Variants in NPAS3 observed in about 807,000 individuals in gnomAD.
NPAS3 encodes neuronal PAS domain-containing protein 3.
A neutral mutation model predicts 73.1 loss-of-function variants in NPAS3; 14 were observed. The observed-to-expected ratio is 0.19, with a 90% CI of 0.13 to 0.30. NPAS3 has a LOEUF of 0.30. Among genes scored for constraint, NPAS3 ranks in the 10% least tolerant of loss-of-function variants. NPAS3 has a pLI of 1.00. For missense variants in NPAS3, 1,096 were observed against 1,250.0 expected (o/e 0.88, Z 1.86); for synonymous variants, 620 against 541.5 (o/e 1.14, Z -2.01).
chr14:33,676,389 G>T lies in NPAS3; in HGVS notation c.733+4G>T. The T allele has an allele frequency of 6.4e-7, 1 of 1,555,082 alleles. No homozygotes were observed. Among genetic ancestry groups the T allele is most frequent in the Non-Finnish European group, 8.6e-7 (1 of 1,156,660 alleles). On this transcript the variant is annotated splice_donor_region_variant and intron_variant, in intron 6 of 11. Transcript: ENST00000356141. ...CAGTCGGAGACCCCCGAGCCAGGTG[G>T]GAATTGCAAACCCAGTGTGTGGGTT...
At chr14:33,381,547 T>TG (rs1302758519) in intron 4 of NPAS3, among the ~76,000 whole-genome samples, 1 of 152,066 alleles carries the variant, frequency 6.6e-6, no homozygotes, top group Non-Finnish European at 1.5e-5. Flanking sequence ...TTGTTTTTGG[T>TG]GGGGGAAAAA....
intron 7 of NPAS3, among the ~76,000 whole-genome samples, chr14:33,751,317 CT>C (rs1471203050): frequency 6.6e-6 from 1 of 152,138 alleles, no homozygotes; most frequent in Non-Finnish European, 1.5e-5. Flanking sequence ...TAAATCATTC[CT>C]TTTGGAATTT....
At chr14:33,629,565 G>T (rs936685413) in intron 5 of NPAS3, among the ~76,000 whole-genome samples, 315 of 149,424 alleles carry the variant, frequency 2.1e-3, no homozygotes, top group African/African-American at 7.6e-3. Flanking sequence ...GGTTTTTTTT[G>T]TTGTTTTTGT....
chr14:33,380,079 T>TA (rs2046480569), intron 4 of NPAS3, among the ~76,000 whole-genome samples: 1 of 150,122 alleles, frequency 6.7e-6, no homozygotes, highest in African/African-American at 2.5e-5. Context: ...AAAATACAGA[T>TA]AAGCAAAGAG....
At chr14:33,221,537 G>C (rs2047428947) in intron 3 of NPAS3, among the ~76,000 whole-genome samples, 1 of 152,108 alleles carries the variant, frequency 6.6e-6, no homozygotes, top group Non-Finnish European at 1.5e-5. Context: ...TGCGGTGAGA[G>C]GATTCCTTGA....
intron 4 of NPAS3, among the ~76,000 whole-genome samples, chr14:33,499,737 G>C (rs1239752127): frequency 6.6e-6 from 1 of 151,952 alleles, no homozygotes; most frequent in Non-Finnish European, 1.5e-5. Flanking sequence ...TCTGATATTA[G>C]TAACAATATT....
chr14:33,460,433 A>G (rs1354020132), intron 4 of NPAS3, among the ~76,000 whole-genome samples: 1 of 152,168 alleles, frequency 6.6e-6, no homozygotes, highest in African/African-American at 2.4e-5. Flanking sequence ...TATTTTCTAA[A>G]TATGGTAACT....
chr14:33,562,667 T>C (rs953048737), intron 5 of NPAS3, among the ~76,000 whole-genome samples: 2 of 152,220 alleles, frequency 1.3e-5, no homozygotes, highest in Non-Finnish European at 2.9e-5. Context: ...AAGAATCTGA[T>C]AAGAACATGA....
intron 5 of NPAS3, among the ~76,000 whole-genome samples, chr14:33,665,709 A>C (rs1014398932): frequency 6.6e-6 from 1 of 152,230 alleles, no homozygotes; most frequent in Admixed American, 6.5e-5. Flanking sequence ...ATTCAAACCC[A>C]CTGCTTAAAA....
chr14:33,352,211 A>T (rs904858934), intron 3 of NPAS3, among the ~76,000 whole-genome samples: 2 of 152,210 alleles, frequency 1.3e-5, no homozygotes, highest in South Asian at 2.1e-4. Flanking sequence ...AGCATGCTAA[A>T]TAAAGCAGGT....
chr14:33,452,010 T>C (rs1418884949), intron 4 of NPAS3, among the ~76,000 whole-genome samples: 2 of 152,230 alleles, frequency 1.3e-5, no homozygotes, highest in African/African-American at 4.8e-5. Flanking sequence ...TTAAAATCTA[T>C]GGTTCTTAGA....
chr14:33,107,959 C>T (rs961852679), intron 2 of NPAS3, among the ~76,000 whole-genome samples: 7 of 152,068 alleles, frequency 4.6e-5, no homozygotes, highest in Non-Finnish European at 7.4e-5. Context: ...GAGTGAATTG[C>T]TTTGTAAGTT....
chr14:33,196,098 G>A (rs1008398276), intron 2 of NPAS3, among the ~76,000 whole-genome samples: 8 of 152,148 alleles, frequency 5.3e-5, no homozygotes, highest in Admixed American at 3.3e-4. Context: ...GGCAGAGTTC[G>A]GCCAGCGCTA....
chr14:33,062,742 C>T (rs1363962471), intron 2 of NPAS3, among the ~76,000 whole-genome samples: 2 of 152,132 alleles, frequency 1.3e-5, no homozygotes, highest in Non-Finnish European at 2.9e-5. Flanking sequence ...TGAACAGCGG[C>T]GTTCAAAAAT....
intron 1 of NPAS3, among the ~76,000 whole-genome samples, chr14:33,041,463 C>T (rs2040344784): frequency 6.6e-6 from 1 of 152,144 alleles, no homozygotes; most frequent in Non-Finnish European, 1.5e-5. Flanking sequence ...TTCTCAACAA[C>T]CTGTCATATT....
At chr14:33,375,480 GCTTTTAAGTTCA>G (rs1386487206) in intron 4 of NPAS3, among the ~76,000 whole-genome samples, 26 of 152,112 alleles carry the variant, frequency 1.7e-4, no homozygotes, top group Admixed American at 6.5e-5. Context: ...GTGTTGCACG[GCTTTTAAGTTCA>G]CGTATGAACA....
chr14:33,009,516 A>G (rs953390597), intron 1 of NPAS3, among the ~76,000 whole-genome samples: 3 of 152,146 alleles, frequency 2.0e-5, no homozygotes, highest in Non-Finnish European at 4.4e-5. Flanking sequence ...CTAATGTAGT[A>G]ATGATGACGG....
At chr14:33,356,903 A>G (rs2045362125) in intron 3 of NPAS3, among the ~76,000 whole-genome samples, 1 of 152,182 alleles carries the variant, frequency 6.6e-6, no homozygotes, top group Admixed American at 6.5e-5. Context: ...TCCTCAATTC[A>G]TTGTATGGTG....
At chr14:33,148,710 G>A (rs958537898) in intron 2 of NPAS3, among the ~76,000 whole-genome samples, 2 of 151,940 alleles carry the variant, frequency 1.3e-5, no homozygotes, top group African/African-American at 4.8e-5. Context: ...TTTTGGAGAC[G>A]AGGTCTCACT....
Sources: allele counts gnomAD v4.1 joint callset (sites outside exome capture counted in the v4.1 genomes callset), GRCh38; gene constraint gnomAD v4.1.1; transcripts MANE v1.5; gene names NCBI Gene and HGNC (gene_info 2026-07-23, HGNC 2026-07-21).